Variants in MEMO1 observed in about 807,000 individuals in gnomAD.
MEMO1 encodes protein MEMO1.
A neutral mutation model predicts 45.2 loss-of-function variants in MEMO1; 6 were observed. The observed-to-expected ratio is 0.13, with a 90% confidence interval of 0.07 to 0.26. The LOEUF is 0.26. Among genes scored for constraint, MEMO1 ranks in the 10% least tolerant of loss-of-function variants. The probability of loss-of-function intolerance (pLI) is 1.00; values close to 1 mark genes in which losing one functional copy is unlikely to be tolerated. For synonymous variants in MEMO1, 78 were observed against 124.3 expected, an observed-to-expected ratio of 0.63 and a Z score of 2.48; for missense variants, 184 against 370.5, an observed-to-expected ratio of 0.50 and a Z score of 4.13.
intron 2 of MEMO1, among the ~76,000 whole-genome samples, chr2:31,943,848 TAATGA>T (rs1259599615): frequency 6.6e-6 from 1 of 152,188 alleles, no homozygotes; most frequent in Non-Finnish European, 1.5e-5. Context: ...CCTATTCTCA[TAATGA>T]AATATCGATA....
chr2:31,911,861 G>T (rs561628457), intron 6 of MEMO1, among the ~76,000 whole-genome samples: 18 of 151,862 alleles, frequency 1.2e-4, no homozygotes, highest in African/African-American at 4.1e-4. Context: ...GGCTGGTCTC[G>T]AACTCCTGGG....
chr2:31,984,025 A>G (rs577564776), intron 2 of MEMO1, among the ~76,000 whole-genome samples: 115 of 152,364 alleles, frequency 7.5e-4, no homozygotes, highest in Admixed American at 2.2e-3. Flanking sequence ...ACGGATATAA[A>G]TAAGTTGAGT....
At chr2:31,959,187 G>C (rs958900815) in intron 2 of MEMO1, among the ~76,000 whole-genome samples, 16 of 152,180 alleles carry the variant, frequency 1.1e-4, no homozygotes, top group Non-Finnish European at 2.1e-4. Flanking sequence ...GTAAGAGTGT[G>C]AGCCTTAAGT....
At chr2:31,906,513 T>C (rs1679766469) in intron 6 of MEMO1, among the ~76,000 whole-genome samples, 1 of 151,832 alleles carries the variant, frequency 6.6e-6, no homozygotes, top group African/African-American at 2.4e-5. Flanking sequence ...TTAGTACAGA[T>C]GGGGTTTCAC....
chr2:31,979,768 G>A (rs1480513571), intron 2 of MEMO1, among the ~76,000 whole-genome samples: 1 of 152,086 alleles, frequency 6.6e-6, no homozygotes, highest in Non-Finnish European at 1.5e-5. Context: ...TTTAGTTGAT[G>A]ATTGTCAGAA....
intron 2 of MEMO1, among the ~76,000 whole-genome samples, chr2:32,005,350 T>C (rs956897007): frequency 1.4e-4 from 21 of 146,214 alleles, no homozygotes; most frequent in Non-Finnish European, 2.7e-4. Context: ...GCTCAAAGAA[T>C]ACATACTATA....
intron 6 of MEMO1, among the ~76,000 whole-genome samples, chr2:31,912,177 A>G (rs570657313): frequency 3.7e-4 from 56 of 152,206 alleles, no homozygotes; most frequent in African/African-American, 1.3e-3. Context: ...TCTACTAAAA[A>G]TACAAAAAAA....
rs569670925 is a variant in MEMO1, at chr2:31,983,603, T to G, written c.61+26584A>C. 1.3e-4 allele frequency among the ~76,000 whole-genome samples: 20 copies of G among 152,144 alleles called. 1 individual carries two copies. In the East Asian group the frequency reaches 3.3e-3, roughly 25 times the overall value. On this transcript the variant is annotated intron_variant, in intron 2 of 9. Transcript: ENST00000404530. ...GCATGCACCACCATACCCGGCTAATTTTGTATTTTTAGTAGAGACACGGTT... is the reference window on the plus strand; with the variant it reads ...GCATGCACCACCATACCCGGCTAATGTTGTATTTTTAGTAGAGACACGGTT...
At chr2:31,878,367 A>G (rs911707623) in intron 8 of MEMO1, among the ~76,000 whole-genome samples, 1 of 152,208 alleles carries the variant, frequency 6.6e-6, no homozygotes, top group Non-Finnish European at 1.5e-5. Context: ...GGGGCAGAAG[A>G]GTAACATGAT....
chr2:31,901,374 CAAAAAAAAAAAAA>C (rs70964738), intron 6 of MEMO1, among the ~76,000 whole-genome samples: 5 of 22,694 alleles, frequency 2.2e-4, no homozygotes, highest in South Asian at 1.6e-3. Flanking sequence ...CTCTGTCTCA[CAAAAAAAAAAAAA>C]AAAAAAAAAA....
At chr2:31,955,571 A>C (rs148123993) in intron 2 of MEMO1, among the ~76,000 whole-genome samples, 1 of 152,184 alleles carries the variant, frequency 6.6e-6, no homozygotes, top group African/African-American at 2.4e-5. Context: ...ATTCATGAGA[A>C]TGTTCTAGTC....
In MEMO1 at chr2:31,930,506, G is replaced by C. The variant is rs1203490170; in HGVS notation, c.212+1561C>G. On this transcript the variant is annotated intron_variant, in intron 4 of 9. Coordinates refer to ENST00000404530, the MANE Select transcript of MEMO1 (RefSeq NM_001301833.4). ...ATTCCTAAACCTAATTTAACTCTGG[G>C]GTGTCCCATCAGCACAGGAGTTTTA... Among the ~76,000 whole-genome samples, 6 of 151,976 alleles carry C rather than the reference G, an allele frequency of 3.9e-5. 1 individual carries two copies. The highest frequency in any genetic ancestry group is 3.9e-4 in the Admixed American group (6 of 15,258).
chr2:31,987,769 T>C (rs1406294742), intron 2 of MEMO1, among the ~76,000 whole-genome samples: 1 of 152,152 alleles, frequency 6.6e-6, no homozygotes, highest in East Asian at 1.9e-4. Context: ...TCCTAAGGCC[T>C]CAAAGCTGTA....
intron 6 of MEMO1, among the ~76,000 whole-genome samples, chr2:31,901,226 A>C (rs1678742273): frequency 6.6e-6 from 1 of 151,846 alleles, no homozygotes; most frequent in African/African-American, 2.4e-5. Flanking sequence ...CACAAAAATT[A>C]GCCGGGTGTG....
At chr2:31,920,520 C>A (rs557279510) in intron 5 of MEMO1, among the ~76,000 whole-genome samples, 63 of 152,202 alleles carry the variant, frequency 4.1e-4, no homozygotes, top group Non-Finnish European at 5.3e-4. Context: ...TCTCCTGGTA[C>A]ACTGAGTACA....
chr2:32,008,761 C>T (rs751314270), intron 2 of MEMO1, among the ~76,000 whole-genome samples: 5 of 152,184 alleles, frequency 3.3e-5, no homozygotes, highest in Admixed American at 2.6e-4. Context: ...CTATAGCTAC[C>T]TGTTAGCTAT....
intron 2 of MEMO1, among the ~76,000 whole-genome samples, chr2:31,972,416 A>C (rs1305213508): frequency 6.6e-6 from 1 of 152,208 alleles, no homozygotes; most frequent in African/African-American, 2.4e-5. Context: ...GAAAAGGATA[A>C]GAGAATAGTA....
At chr2:31,944,728 T>A (rs1013274253) in intron 2 of MEMO1, among the ~76,000 whole-genome samples, 4 of 152,328 alleles carry the variant, frequency 2.6e-5, no homozygotes, top group African/African-American at 7.2e-5. Context: ...TAACACTGAT[T>A]AATTTCCCTT....
chr2:31,952,357 A>G (rs1236951350), intron 2 of MEMO1, among the ~76,000 whole-genome samples: 1 of 152,128 alleles, frequency 6.6e-6, no homozygotes, highest in African/African-American at 2.4e-5. Context: ...TGTACCAACC[A>G]CCTCTTAGAT....
Sources: gnomAD v4.1 joint callset for allele counts (sites outside exome capture counted in the v4.1 genomes callset) on GRCh38, gnomAD v4.1.1 for gene constraint, MANE v1.5 for transcripts, NCBI Gene and HGNC (gene_info 2026-07-23, HGNC 2026-07-21) for gene names.